Variants in DLGAP2 observed in about 807,000 individuals in gnomAD.
DLGAP2 encodes DLG associated protein 2.
A neutral mutation model predicts 100.3 loss-of-function variants in DLGAP2; 26 were observed. The observed-to-expected ratio is 0.26, with a 90% CI of 0.19 to 0.36. The LOEUF (loss-of-function observed/expected upper bound fraction) is 0.36. Ranked by LOEUF, DLGAP2 falls within the 10% of genes least tolerant of loss-of-function variation. The pLI is 1.00. For missense variants in DLGAP2, 1,858 were observed against 1,453.2 expected (o/e 1.28, Z -4.53); for synonymous variants, 886 against 630.1 (o/e 1.41, Z -6.08).
At chr8:1,046,071 G>A (rs772400084) in intron 2 of DLGAP2, among the ~76,000 whole-genome samples, 8 of 152,256 alleles carry the variant, frequency 5.3e-5, no homozygotes, top group African/African-American at 1.4e-4. Flanking sequence ...ATTGAGTCAC[G>A]GAAAGCAGCC....
At chr8:937,997 C>T (rs1393460172) in intron 2 of DLGAP2, among the ~76,000 whole-genome samples, 1 of 152,154 alleles carries the variant, frequency 6.6e-6, no homozygotes, top group Non-Finnish European at 1.5e-5. Flanking sequence ...ACTCTCATAT[C>T]AGGACCCTCT....
chr8:1,522,709 C>G (rs1800648719), intron 4 of DLGAP2, among the ~76,000 whole-genome samples: 1 of 152,162 alleles, frequency 6.6e-6, no homozygotes, highest in Non-Finnish European at 1.5e-5. Context: ...AATGAGTTTT[C>G]AGGATCAGGA....
At chr8:1,426,658 A>C (rs10090499) in intron 3 of DLGAP2, among the ~76,000 whole-genome samples, 39,342 of 152,094 alleles carry the variant, frequency 0.26, 5,268 homozygotes, top group East Asian at 0.35. Flanking sequence ...TATTAACCTC[A>C]CCCAGAAAGA....
At chr8:886,426 T>G (rs1797923037) in intron 1 of DLGAP2, among the ~76,000 whole-genome samples, 1 of 152,178 alleles carries the variant, frequency 6.6e-6, no homozygotes, top group Non-Finnish European at 1.5e-5. Context: ...TTGGATTAGT[T>G]TGCTCTTGCC....
chr8:907,356 A>C (rs1038105065), intron 1 of DLGAP2, among the ~76,000 whole-genome samples: 2 of 152,218 alleles, frequency 1.3e-5, no homozygotes, highest in Non-Finnish European at 2.9e-5. Context: ...AATCTTGGGA[A>C]AGCCATTCTC....
intron 3 of DLGAP2, among the ~76,000 whole-genome samples, chr8:1,455,296 A>T (rs939644453): frequency 6.6e-6 from 1 of 152,222 alleles, no homozygotes; most frequent in African/African-American, 2.4e-5. Context: ...GCGCTGGGGC[A>T]GGGCCCCTCT....
rs1182366404 is a variant in DLGAP2, at chr8:1,678,419, G to C, written c.2494G>C (p.Asp832His). The C allele has an allele frequency of 6.2e-7, 1 of 1,613,580 alleles. No homozygotes were observed. Among genetic ancestry groups the C allele is most frequent in the Admixed American group, 1.7e-5 (1 of 59,988 alleles). The change falls in exon 12 of 15, where the codon GAC (aspartate) becomes CAC (histidine). Residue 832 changes from aspartate (D) to histidine (H), a missense_variant. Physicochemically the swap from Asp to His is moderately conservative, Grantham distance 81. Transcript: ENST00000637795. The part of the protein sequence containing the change: ...RTQGLFSYRE[D>H]YRTQVDTSTL... ...CCAGGGGCTCTTCAGCTATAGAGAAGACTATCGGACCCAAGTGGACACCTC... is the reference window on the plus strand; with the variant it reads ...CCAGGGGCTCTTCAGCTATAGAGAACACTATCGGACCCAAGTGGACACCTC...
intron 1 of DLGAP2, among the ~76,000 whole-genome samples, chr8:847,762 C>T (rs1310567237): frequency 6.6e-6 from 1 of 152,300 alleles, no homozygotes; most frequent in African/African-American, 2.4e-5. Flanking sequence ...CTACCTCGGC[C>T]TCCCAAAGTG....
Position 1,549,464 on chromosome 8 carries a change from C to G in DLGAP2, c.1011C>G (p.Asp337Glu), listed in dbSNP as rs1801684153. The G allele has an allele frequency of 1.2e-6, 2 of 1,613,334 alleles. No individual in the cohort carries two copies. The highest frequency in any genetic ancestry group is 8.5e-7 in the Non-Finnish European group (1 of 1,179,784). Residue 337 changes from aspartate to glutamate, a missense_variant, in exon 5 of 15, where the codon GAC becomes GAG. Transcript: ENST00000637795. ...ACGCGCTGCAGAGCCCCTTCGGGGACCTGTCCCTCAAGACCTCCAAGAGCA... is the reference window on the plus strand; with the variant it reads ...ACGCGCTGCAGAGCCCCTTCGGGGAGCTGTCCCTCAAGACCTCCAAGAGCA... ...YPDALQSPFG[D>E]LSLKTSKSNN...
chr8:1,219,542 GTC>G (rs1798276725), intron 2 of DLGAP2, among the ~76,000 whole-genome samples: 1 of 152,032 alleles, frequency 6.6e-6, no homozygotes, highest in Admixed American at 6.6e-5. Context: ...GGATTTTTGT[GTC>G]TATGTTTATC....
At chr8:1,216,315 G>A (rs1798211883) in intron 2 of DLGAP2, among the ~76,000 whole-genome samples, 1 of 152,036 alleles carries the variant, frequency 6.6e-6, no homozygotes. Context: ...TATCCAGGAA[G>A]GCATGTCCGT....
chr8:1,426,811 T>A (rs1185792210), intron 3 of DLGAP2, among the ~76,000 whole-genome samples: 2 of 152,086 alleles, frequency 1.3e-5, no homozygotes, highest in Non-Finnish European at 2.9e-5. Context: ...CTAAGTAAAT[T>A]AGTCGTAAAA....
At chr8:1,234,863 A>C (rs1295356567) in intron 2 of DLGAP2, among the ~76,000 whole-genome samples, 1 of 152,154 alleles carries the variant, frequency 6.6e-6, no homozygotes, top group Non-Finnish European at 1.5e-5. Context: ...TTCAACACTT[A>C]ACTGTCACAG....
chr8:816,201 T>A (rs1025031838), intron 1 of DLGAP2, among the ~76,000 whole-genome samples: 1 of 152,194 alleles, frequency 6.6e-6, no homozygotes, highest in Non-Finnish European at 1.5e-5. Context: ...TTTAGTACAT[T>A]TACATTCAAT....
chr8:945,842 G>A (rs565490030), intron 2 of DLGAP2, among the ~76,000 whole-genome samples: 3 of 151,782 alleles, frequency 2.0e-5, no homozygotes, highest in Non-Finnish European at 1.5e-5. Flanking sequence ...CTCTCTCTGC[G>A]TGTGTCTCTT....
rs181974301 is a variant in DLGAP2 at position 811,216 on chromosome 8, G to A, written c.18+73391G>A. ...TGTGAAACCGGAGAAGGGGCTTCTG[G>A]GAAAGAGGTTTCCTCCCTTCTTGGA... is the stretch of plus-strand genomic sequence containing the variant. On this transcript the variant is annotated intron_variant, in intron 1 of 14. Transcript: ENST00000637795. Among the ~76,000 whole-genome samples, 22 of 152,374 alleles carry A rather than the reference G, an allele frequency of 1.4e-4. No individual in the cohort carries two copies. In the East Asian group the frequency reaches 4.2e-3, roughly 29 times the overall value.
intron 2 of DLGAP2, among the ~76,000 whole-genome samples, chr8:1,061,180 G>T (rs376046372): frequency 6.6e-6 from 1 of 152,150 alleles, no homozygotes. Flanking sequence ...AGCCTTGTTC[G>T]TGGTGAGCCA....
intron 2 of DLGAP2, among the ~76,000 whole-genome samples, chr8:1,199,796 C>T (rs865974311): frequency 2.0e-5 from 3 of 151,844 alleles, no homozygotes; most frequent in Non-Finnish European, 2.9e-5. Context: ...AACACTTAAA[C>T]GATGATTATT....
At chr8:1,023,246 A>G (rs1169864605) in intron 2 of DLGAP2, among the ~76,000 whole-genome samples, 2 of 152,202 alleles carry the variant, frequency 1.3e-5, no homozygotes, top group African/African-American at 2.4e-5. Context: ...TGCCTGAGAT[A>G]TAGCAGTTCA....
Sources: gnomAD v4.1 joint callset for allele counts (sites outside exome capture counted in the v4.1 genomes callset) on GRCh38, gnomAD v4.1.1 for gene constraint, MANE v1.5 for transcripts, NCBI Gene and HGNC (gene_info 2026-07-23, HGNC 2026-07-21) for gene names.